CREB3L2: variants seen among roughly 807,000 people sequenced by gnomAD.
CREB3L2 encodes the protein cAMP responsive element binding protein 3 like 2.
CREB3L2 carries 23 observed loss-of-function variants against 57.2 expected under a neutral mutation model. That is an observed-to-expected ratio of 0.40 (90% CI 0.29 to 0.57). The LOEUF (loss-of-function observed/expected upper bound fraction) is 0.57, where lower values mean the gene tolerates loss of function less well. Among genes scored for constraint, CREB3L2 ranks in the 20% least tolerant of loss-of-function variants. The pLI is 0.42. For missense variants in CREB3L2, 628 were observed against 634.7 expected, an observed-to-expected ratio of 0.99 and a Z score of 0.11; for synonymous variants, 268 against 265.1, an observed-to-expected ratio of 1.01 and a Z score of -0.11.
At chr7:137,897,977 C>T (rs77213220) in intron 8 of CREB3L2, among the ~76,000 whole-genome samples, 2,043 of 151,998 alleles carry the variant, frequency 0.013, 40 homozygotes, top group African/African-American at 0.046. Context: ...AAAAGGCAGC[C>T]CACGGATTGG....
rs1800421814 is a variant in CREB3L2, at chr7:137,924,996, C to T, written c.319+3154G>A. On this transcript the variant is annotated intron_variant, in intron 2 of 11. Transcript: ENST00000330387. ...CAAAAAATTAACAAATGTAGATAGC[C>T]CACATTTTTGTATACAGTTTTAGGG... Among the ~76,000 whole-genome samples the T allele has an allele frequency of 2.6e-5, 4 of 152,068 alleles. No individual in the cohort carries two copies. In the South Asian group the frequency reaches 6.2e-4, roughly 24 times the overall value.
chr7:137,878,876 G>A lies in CREB3L2; in HGVS notation c.*1600C>T. The A allele has an allele frequency of 2.8e-6, 1 of 356,742 alleles. No homozygotes were observed. The highest frequency in any genetic ancestry group is 5.3e-6 in the Non-Finnish European group (1 of 189,976). 22.1% of individuals were successfully genotyped at this position (356,742 alleles called of 1,614,324 possible). On this transcript the variant is annotated 3_prime_UTR_variant, in exon 12 of 12. Transcript: ENST00000330387. ...CAGGGTGTGGGCTTAATCCCTCTAA[G>A]TACAGGCTCCAATAACAATGCAGAT...
intron 1 of CREB3L2, among the ~76,000 whole-genome samples, chr7:137,971,863 G>A (rs775772389): frequency 1.3e-5 from 2 of 151,252 alleles, no homozygotes; most frequent in South Asian, 2.1e-4. Flanking sequence ...AACAATACAC[G>A]GCCATTAAAA....
intron 1 of CREB3L2, among the ~76,000 whole-genome samples, chr7:137,987,033 C>G: frequency 6.6e-6 from 1 of 152,222 alleles, no homozygotes; most frequent in East Asian, 1.9e-4. Flanking sequence ...AGCCCACTGC[C>G]CCAGCTCTCC....
intron 1 of CREB3L2, among the ~76,000 whole-genome samples, chr7:137,981,964 G>T (rs1801719036): frequency 6.6e-6 from 1 of 152,174 alleles, no homozygotes; most frequent in Admixed American, 6.5e-5. Flanking sequence ...AGCAGTCAGG[G>T]TCTAATTAGT....
intron 1 of CREB3L2, among the ~76,000 whole-genome samples, chr7:137,929,108 G>A (rs1800549958): frequency 6.6e-6 from 1 of 152,126 alleles, no homozygotes; most frequent in African/African-American, 2.4e-5. Flanking sequence ...GTTCCTCTCT[G>A]GTTTTTCCTT....
chr7:137,993,939 A>T (rs1801942457), intron 1 of CREB3L2, among the ~76,000 whole-genome samples: 1 of 152,208 alleles, frequency 6.6e-6, no homozygotes, highest in Non-Finnish European at 1.5e-5. Context: ...CATGTGCCTC[A>T]TGAATAACCT....
At position 137,931,020 on chromosome 7, in the gene CREB3L2, C is replaced by T. The variant is rs113147120; in HGVS notation, c.103-2654G>A. On this transcript the variant is annotated intron_variant, in intron 1 of 11. Transcript: ENST00000330387. ...GCTGAGGCAAGAGGATCAGTTGAGC[C>T]CAGGAATTCTAAACCAGCCTGGGCA... Among the ~76,000 whole-genome samples, 3 of 151,196 alleles carry T rather than the reference C, an allele frequency of 2.0e-5. 1 individual carries two copies. Among genetic ancestry groups the T allele is most frequent in the African/African-American group, 4.9e-5 (2 of 41,180 alleles).
Position 137,878,771 on chromosome 7 carries a change from G to T in CREB3L2, c.*1705C>A, listed in dbSNP as rs1282612312. On this transcript the variant is annotated 3_prime_UTR_variant, in exon 12 of 12. Coordinates refer to ENST00000330387, the MANE Select transcript of CREB3L2 (RefSeq NM_194071.4). The stretch of plus-strand genomic sequence containing the variant: ...AGGGAGCCCCAAATGGGCCTAGACA[G>T]ACAAGGCAGGGACCGACTTATGAGG... 1 of 246,692 alleles carries T rather than the reference G, an allele frequency of 4.1e-6. No homozygotes were observed. Among genetic ancestry groups the T allele is most frequent in the African/African-American group, 2.2e-5 (1 of 45,390 alleles). 15.3% of individuals were successfully genotyped at this position (246,692 alleles called of 1,614,324 possible). A position where few individuals can be genotyped will look rare whatever the true frequency, so the allele number is the denominator to read the frequency against.
intron 2 of CREB3L2, among the ~76,000 whole-genome samples, chr7:137,924,456 T>C (rs1766781154): frequency 1.3e-5 from 2 of 152,322 alleles, no homozygotes; most frequent in Admixed American, 1.3e-4. Context: ...CCAACTGAAT[T>C]ACACAAAGGA....
chr7:137,971,306 C>T (rs1216788876), intron 1 of CREB3L2, among the ~76,000 whole-genome samples: 2 of 152,044 alleles, frequency 1.3e-5, no homozygotes, highest in Admixed American at 6.5e-5. Context: ...AAAAATTAGC[C>T]GGGTGTGGTG....
intron 2 of CREB3L2, among the ~76,000 whole-genome samples, chr7:137,926,813 C>G (rs936079793): frequency 3.3e-5 from 5 of 152,018 alleles, no homozygotes; most frequent in African/African-American, 1.2e-4. Flanking sequence ...ATTTAAAGTA[C>G]TAAAATAGCT....
At chr7:137,975,413 C>T (rs1026918546) in intron 1 of CREB3L2, among the ~76,000 whole-genome samples, 13 of 152,312 alleles carry the variant, frequency 8.5e-5, no homozygotes, top group Middle Eastern at 3.4e-3. Context: ...AGCTCCCAGG[C>T]GGGCTGACAC....
Position 137,908,490 on chromosome 7 carries a change from A to C in CREB3L2, c.584-54T>G. Reference sequence around the variant, plus strand: ...TCCCAGAGCCACAAAGCAGGACACAACTGATTTGTGGCATAGCAAACTAAA... The same window carrying C: ...TCCCAGAGCCACAAAGCAGGACACACCTGATTTGTGGCATAGCAAACTAAA... On this transcript the variant is annotated intron_variant, in intron 4 of 11. Transcript: ENST00000330387. 3.3e-6 allele frequency: 4 copies of C among 1,207,504 alleles called. No individual in the cohort carries two copies. In the South Asian group the frequency reaches 1.2e-4, roughly 37 times the overall value. 74.8% of individuals were successfully genotyped at this position (1,207,504 alleles called of 1,614,324 possible).
chr7:137,922,413 T>TATATATATATATAC (rs1800326634), intron 2 of CREB3L2, among the ~76,000 whole-genome samples: 1 of 21,118 alleles, frequency 4.7e-5, no homozygotes, highest in African/African-American at 2.0e-4. Context: ...TATATATATA[T>TATATATATATATAC]ATGTATATAT....
chr7:137,943,506 TA>T (rs2117261041), intron 1 of CREB3L2, among the ~76,000 whole-genome samples: 1 of 152,256 alleles, frequency 6.6e-6, no homozygotes, highest in African/African-American at 2.4e-5. Context: ...GTATCAGACT[TA>T]AAACTACTGT....
chr7:137,875,030 T>A lies in CREB3L2; in HGVS notation c.*5446A>T. ...TGCAAGAAATGGAAATACAAAAGCA[T>A]AACAATTTCAATTTATTTTTTTTTC... On this transcript the variant is annotated 3_prime_UTR_variant, in exon 12 of 12. Transcript: ENST00000330387. The A allele has an allele frequency of 5.4e-6, 1 of 186,316 alleles. No individual in the cohort carries two copies. Among genetic ancestry groups the A allele is most frequent in the Non-Finnish European group, 1.1e-5 (1 of 88,514 alleles). The allele number at this position is 186,316 out of a possible 1,614,324, so 11.5% of individuals were successfully genotyped here.
chr7:137,955,457 A>T (rs964948560), intron 1 of CREB3L2: 6 of 436,776 alleles, frequency 1.4e-5, no homozygotes, highest in Non-Finnish European at 2.2e-5. Context: ...CGGTTCAGAA[A>T]TACTCATGGA....
chr7:138,000,732 CAA>C (rs1481369184), intron 1 of CREB3L2, among the ~76,000 whole-genome samples: 1 of 150,172 alleles, frequency 6.7e-6, no homozygotes, highest in Non-Finnish European at 1.5e-5. Context: ...AAGAATCAAA[CAA>C]AGAGATCTTG....
Sources: allele counts gnomAD v4.1 joint callset (sites outside exome capture counted in the v4.1 genomes callset), GRCh38; gene constraint gnomAD v4.1.1; transcripts MANE v1.5; gene names NCBI Gene and HGNC (gene_info 2026-07-23, HGNC 2026-07-21).